Variants in OR8G5 observed in about 807,000 individuals in gnomAD.
OR8G5 encodes the protein olfactory receptor family 8 subfamily G member 5.
For synonymous variants in OR8G5, 147 were observed against 147.7 expected, an observed-to-expected ratio of 1.00 and a Z score of 0.03; for missense variants, 347 against 371.9, an observed-to-expected ratio of 0.93 and a Z score of 0.55.
intron 1 of OR8G5, among the ~76,000 whole-genome samples, chr11:124,263,021 C>T (rs770825266): frequency 3.0e-4 from 45 of 151,352 alleles, no homozygotes; most frequent in Non-Finnish European, 6.1e-4. Context: ...TCTATTCTAT[C>T]ATGGTTTGTA....
In OR8G5 at chr11:124,264,944, A is replaced by G; in HGVS notation, c.13A>G (p.Asn5Asp). ...AACTCATCAAAGAATGGCAGCAGAA[A>G]ACCATTCTTTTGTGACTAAGTTTAT... The part of the protein sequence containing the change: MAAE[N>D]HSFVTKFILV... The change falls in exon 2 of 2, where the codon AAC becomes GAC. Residue 5 changes from asparagine to aspartate, a missense_variant. Transcript: ENST00000641992. The G allele has an allele frequency of 6.2e-7, 1 of 1,613,840 alleles. No individual in the cohort carries two copies. The highest frequency in any genetic ancestry group is 8.5e-7 in the Non-Finnish European group (1 of 1,179,796).
intron 1 of OR8G5, among the ~76,000 whole-genome samples, chr11:124,257,205 CT>C (rs1250929804): frequency 6.6e-6 from 1 of 152,084 alleles, no homozygotes; most frequent in Non-Finnish European, 1.5e-5. Context: ...TTAAGAAAAT[CT>C]TTTCCCTAAT....
chr11:124,264,237 A>T (rs1240651427), intron 1 of OR8G5, among the ~76,000 whole-genome samples: 1 of 152,216 alleles, frequency 6.6e-6, no homozygotes, highest in Non-Finnish European at 1.5e-5. Flanking sequence ...TGACGGGGTC[A>T]GAATTTGAAT....
rs1291600176 is a variant in OR8G5 at position 124,265,034 on chromosome 11, T to C, written c.103T>C (p.Tyr35His). The C allele has an allele frequency of 6.2e-7, 1 of 1,614,024 alleles. No homozygotes were observed. The highest frequency in any genetic ancestry group is 8.5e-7 in the Non-Finnish European group (1 of 1,180,016). ...CCTCTTCCTCGTCTTCCTGGGAATC[T>C]ATGTAGTCACAGTGCTGGGGAACCT... ...LPLFLVFLGI[Y>H]VVTVLGNLGM... The change falls in exon 2 of 2, where the codon TAT (tyrosine) becomes CAT (histidine). Residue 35 changes from tyrosine (Y) to histidine (H), a missense_variant. Transcript: ENST00000641992.
intron 1 of OR8G5, among the ~76,000 whole-genome samples, chr11:124,260,302 G>A (rs531002139): frequency 2.2e-4 from 34 of 152,102 alleles, no homozygotes; most frequent in Non-Finnish European, 4.7e-4. Flanking sequence ...ATTATTCTAA[G>A]TGAAGTAGTT....
rs58940703 is a variant in OR8G5 at position 124,256,804 on chromosome 11, C to G, written c.-15+170C>G. 6.8e-3 allele frequency among the ~76,000 whole-genome samples: 1,041 copies of G among 152,258 alleles called. 8 individuals carry two copies. The highest frequency in any genetic ancestry group is 0.024 in the African/African-American group (988 of 41,534). On this transcript the variant is annotated intron_variant, in intron 1 of 1. Transcript: ENST00000641992. ...GTGATTTGCCAGATATGGGCTAATA[C>G]TGGGAATACAGAAGAGAGGATGTCT...
chr11:124,258,960 G>A (rs1565318704), intron 1 of OR8G5, among the ~76,000 whole-genome samples: 1 of 152,010 alleles, frequency 6.6e-6, no homozygotes, highest in Non-Finnish European at 1.5e-5. Context: ...TTATTCTATG[G>A]ACTCCATTGG....
intron 1 of OR8G5, among the ~76,000 whole-genome samples, chr11:124,261,386 A>C (rs1861969924): frequency 6.6e-6 from 1 of 151,976 alleles, no homozygotes; most frequent in Non-Finnish European, 1.5e-5. Flanking sequence ...AATGAAAGGG[A>C]GTGAAAAATA....
intron 1 of OR8G5, among the ~76,000 whole-genome samples, chr11:124,264,282 C>CAACT (rs1159591508): frequency 6.6e-6 from 1 of 152,188 alleles, no homozygotes; most frequent in African/African-American, 2.4e-5. Flanking sequence ...GTCCATTCAA[C>CAACT]AACTACTCAT....
Position 124,265,499 on chromosome 11 carries a change from TC to T in OR8G5, c.569del (p.Ser190LeufsTer9). 1 of 1,614,020 alleles carries T rather than the reference TC, an allele frequency of 6.2e-7. No individual in the cohort carries two copies. Among genetic ancestry groups the T allele is most frequent in the East Asian group, 2.2e-5 (1 of 44,890 alleles). ...TATTTCTATCTTGAAGCTCTCCTGTTCTAGTACTTACATTAATGAGTTACTG... is the reference window on the plus strand; with the variant it reads ...TATTTCTATCTTGAAGCTCTCCTGTTTAGTACTTACATTAATGAGTTACTG... The part of the protein sequence containing the change: ...DLISILKLSC[S>X]STYINELLIL... On this transcript the variant is annotated frameshift_variant, in exon 2 of 2. Transcript: ENST00000641992. LOFTEE classifies it low-confidence loss of function (END_TRUNC).
At chr11:124,257,997 C>T (rs1861928895) in intron 1 of OR8G5, among the ~76,000 whole-genome samples, 1 of 152,128 alleles carries the variant, frequency 6.6e-6, no homozygotes, top group African/African-American at 2.4e-5. Flanking sequence ...AAATCTAGCT[C>T]TTGTACACGT....
chr11:124,262,141 TAAAA>T (rs1861977365), intron 1 of OR8G5, among the ~76,000 whole-genome samples: 1 of 123,832 alleles, frequency 8.1e-6, no homozygotes, highest in Admixed American at 8.9e-5. Flanking sequence ...TGAATAAAAA[TAAAA>T]TAAATTATTA....
At chr11:124,264,893 A>T (rs767168180) in intron 1 of OR8G5, 25 bp from the exon 2 acceptor site, 7 of 1,611,154 alleles carry the variant, frequency 4.3e-6, no homozygotes, top group Non-Finnish European at 5.9e-6. Context: ...TCACCTAAAT[A>T]CCATGTTTTT....
intron 1 of OR8G5, among the ~76,000 whole-genome samples, chr11:124,258,597 G>A: frequency 6.6e-6 from 1 of 151,670 alleles, no homozygotes; most frequent in Non-Finnish European, 1.5e-5. Flanking sequence ...TAATAAAAAA[G>A]ACATTCATAA....
At chr11:124,259,424 A>G (rs2466674) in intron 1 of OR8G5, among the ~76,000 whole-genome samples, 73,352 of 152,012 alleles carry the variant, frequency 0.48, 18,474 homozygotes, top group East Asian at 0.58. Flanking sequence ...TTTAACTAAA[A>G]TAAAACCACA....
Position 124,266,033 on chromosome 11 carries a change from C to A in OR8G5, c.*166C>A. ...ATGGTCTATTTCATGCCATTTCCCT[C>A]TCATTTTTTCTCTCATAAGGATTAC... is the stretch of plus-strand genomic sequence containing the variant. On this transcript the variant is annotated 3_prime_UTR_variant, in exon 2 of 2. Coordinates refer to ENST00000641992, the MANE Select transcript of OR8G5 (RefSeq NM_001005198.2). 1 of 803,082 alleles carries A rather than the reference C, an allele frequency of 1.2e-6. No homozygotes were observed. The highest frequency in any genetic ancestry group is 1.9e-6 in the Non-Finnish European group (1 of 538,832). The allele number at this position is 803,082 out of a possible 1,614,324, so 49.7% of individuals were successfully genotyped here. A position where few individuals can be genotyped will look rare whatever the true frequency, so the allele number is the denominator to read the frequency against.
chr11:124,256,749 T>G (rs1861917370), intron 1 of OR8G5, 115 bp downstream of exon 1: 1 of 150,980 alleles, frequency 6.6e-6, no homozygotes, highest in African/African-American at 2.5e-5. Context: ...AATCAATCAT[T>G]TATTCTTAAA....
At chr11:124,263,320 G>A (rs1861992039) in intron 1 of OR8G5, among the ~76,000 whole-genome samples, 1 of 151,086 alleles carries the variant, frequency 6.6e-6, no homozygotes, top group Non-Finnish European at 1.5e-5. Context: ...AACATTGTTA[G>A]TTTTTGGTTC....
chr11:124,265,914 A>G lies in OR8G5; in HGVS notation c.*47A>G, dbSNP rs1267876285. 1.3e-6 allele frequency: 2 copies of G among 1,509,090 alleles called. No individual in the cohort carries two copies. Among genetic ancestry groups the G allele is most frequent in the Admixed American group, 2.4e-5 (1 of 42,220 alleles). The allele number at this position is 1,509,090 out of a possible 1,614,324, so 93.5% of individuals were successfully genotyped here. On this transcript the variant is annotated 3_prime_UTR_variant, in exon 2 of 2. Coordinates refer to ENST00000641992, the MANE Select transcript of OR8G5 (RefSeq NM_001005198.2). Reference sequence around the variant, plus strand: ...TTGCATTAGATCTAAGTTTTTGGCTATGATATTGTATGAAATGATGTCTTT... The same window carrying G: ...TTGCATTAGATCTAAGTTTTTGGCTGTGATATTGTATGAAATGATGTCTTT...
Sources: gnomAD v4.1 joint callset for allele counts (sites outside exome capture counted in the v4.1 genomes callset) on GRCh38, gnomAD v4.1.1 for gene constraint, MANE v1.5 for transcripts, NCBI Gene and HGNC (gene_info 2026-07-23, HGNC 2026-07-21) for gene names.